ANO7: variants seen among roughly 807,000 people sequenced by gnomAD.
ANO7 encodes the protein anoctamin 7, also known as anoctamin-7.
A neutral mutation model predicts 115.8 loss-of-function variants in ANO7; 114 were observed. That is an observed-to-expected ratio of 0.98 (90% CI 0.85 to 1.15). The LOEUF is 1.15. ANO7 is among the 50% of genes most tolerant of loss of function. The probability of loss-of-function intolerance (pLI) is 0.00; values close to 1 mark genes in which losing one functional copy is unlikely to be tolerated. For missense variants in ANO7, 1,302 were observed against 1,201.2 expected (o/e 1.08, Z -1.24); for synonymous variants, 550 against 498.2 (o/e 1.10, Z -1.38).
In ANO7 at chr2:241,190,068, T is replaced by G; in HGVS notation, c.5T>G (p.Leu2Arg). ...CTTGCTGGGTGCAGGAGCAGGATGC[T>G]GCGGCGACGGGCCCAGGAAGAGGAC... M[L>R]RRRAQEEDST... The change falls in exon 2 of 25, where the codon CTG becomes CGG. Residue 2 changes from leucine (L) to arginine (R), a missense_variant. By Grantham distance (102) the Leu-to-Arg change is moderately radical. Coordinates refer to ENST00000674324, the MANE Select transcript of ANO7 (RefSeq NM_001370694.2). 1 of 1,573,568 alleles carries G rather than the reference T, an allele frequency of 6.4e-7. No individual in the cohort carries two copies. Among genetic ancestry groups the G allele is most frequent in the South Asian group, 1.2e-5 (1 of 85,544 alleles).
rs567757408 is a variant in ANO7, at chr2:241,213,782, G to T, written c.1729-1023G>T. 3.9e-5 allele frequency among the ~76,000 whole-genome samples: 6 copies of T among 152,330 alleles called. No individual in the cohort carries two copies. The South Asian group carries it at 1.2e-3, about 32-fold the overall frequency. The stretch of plus-strand genomic sequence containing the variant: ...TTCTCCTTTTGGAAGAGGAGGAGGA[G>T]GAGAGAAACTTCGCATGGGGTCTGG... On this transcript the variant is annotated intron_variant, in intron 17 of 24. Transcript: ENST00000674324.
In ANO7 at chr2:241,190,098, C is replaced by T; in HGVS notation, c.35C>T (p.Thr12Ile). The change falls in exon 2 of 25, where the codon ACC becomes ATC. Residue 12 changes from threonine (T) to isoleucine (I), a missense_variant. Physicochemically the swap from Thr to Ile is moderately conservative, Grantham distance 89 (BLOSUM62 -1). Transcript: ENST00000674324. ...CGACGGGCCCAGGAAGAGGACAGCA[C>T]CGTCCTGATCGATGTGAGCCCCCCT... ...LRRRAQEEDS[T>I]VLIDVSPPEA... The T allele has an allele frequency of 1.3e-6, 2 of 1,584,420 alleles. No individual in the cohort carries two copies. Among genetic ancestry groups the T allele is most frequent in the Non-Finnish European group, 1.7e-6 (2 of 1,165,670 alleles).
At chr2:241,226,177 C>T (rs1183035118), downstream of ANO7, among the ~76,000 whole-genome samples, 1 of 151,992 alleles carries the variant, frequency 6.6e-6, no homozygotes, top group Non-Finnish European at 1.5e-5. Flanking sequence ...CCTACCCTGC[C>T]TGTGACCCTT....
At chr2:241,230,255 G>A, downstream of ANO7, 2 of 1,590,122 alleles carry the variant, frequency 1.3e-6, no homozygotes, top group Non-Finnish European at 1.7e-6. This position sits in a 1 kb window ranked among gnomAD's most constrained non-coding sequence, Gnocchi z 5.0. Flanking sequence ...CGCTCTGTGG[G>A]AAGCGAATGT....
intron 3 of ANO7, 47 bp downstream of exon 3, chr2:241,191,298 G>T (rs2068197587): frequency 1.2e-6 from 2 of 1,607,812 alleles, no homozygotes; most frequent in Non-Finnish European, 1.7e-6. Context: ...GGTCCTGAGG[G>T]TGGGGACACC....
In ANO7 at chr2:241,224,593, A is replaced by C; in HGVS notation, c.*440A>C. The stretch of plus-strand genomic sequence containing the variant: ...GGCCGTTCTCCCTCGTGTCCTCTGG[A>C]CCCACCCGCCCCTTCCTGCCCTGTT... On this transcript the variant is annotated 3_prime_UTR_variant, in exon 25 of 25. Coordinates refer to ENST00000674324, the MANE Select transcript of ANO7 (RefSeq NM_001370694.2). 2 of 179,586 alleles carry C rather than the reference A, an allele frequency of 1.1e-5. No individual in the cohort carries two copies. Among genetic ancestry groups the C allele is most frequent in the South Asian group, 1.3e-4 (1 of 7,996 alleles). 11.1% of individuals were successfully genotyped at this position (179,586 alleles called of 1,614,324 possible). A position where few individuals can be genotyped will look rare whatever the true frequency, so the allele number is the denominator to read the frequency against.
chr2:241,214,099 AT>A (rs1160020968), intron 17 of ANO7, among the ~76,000 whole-genome samples: 1 of 152,142 alleles, frequency 6.6e-6, no homozygotes, highest in Non-Finnish European at 1.5e-5. Flanking sequence ...AGCCTGGCCA[AT>A]ATGGTGAAAT....
At chr2:241,198,312 C>G (rs1004288242) in intron 4 of ANO7, among the ~76,000 whole-genome samples, 4 of 152,216 alleles carry the variant, frequency 2.6e-5, no homozygotes, top group African/African-American at 9.7e-5. Flanking sequence ...ATGGAGCCCA[C>G]AGAGCTAACA....
At chr2:241,218,863 T>C (rs1272251819) in intron 21 of ANO7, among the ~76,000 whole-genome samples, 2 of 152,190 alleles carry the variant, frequency 1.3e-5, no homozygotes, top group African/African-American at 4.8e-5. Flanking sequence ...CAGCTAACGG[T>C]ACAAAAAGTT....
chr2:241,215,268 G>A (rs1297515719), intron 18 of ANO7, among the ~76,000 whole-genome samples: 1 of 152,216 alleles, frequency 6.6e-6, no homozygotes, highest in African/African-American at 2.4e-5. Flanking sequence ...CCCCAACGCA[G>A]CACAAGAGGG....
chr2:241,229,560 T>C (rs1198454140), downstream of ANO7: 1 of 1,466,600 alleles, frequency 6.8e-7, no homozygotes. Flanking sequence ...GTGGTTGGGT[T>C]TGGGTCAGCA....
the ANO7 span, among the ~76,000 whole-genome samples, chr2:241,237,013 C>A: frequency 4.1e-4 from 59 of 144,140 alleles, no homozygotes; most frequent in Middle Eastern, 3.8e-3. Context: ...AAGGCTTTGC[C>A]GGGAGGCCGT....
At chr2:241,198,858 A>G (rs759766548) in intron 4 of ANO7, among the ~76,000 whole-genome samples, 1 of 152,198 alleles carries the variant, frequency 6.6e-6, no homozygotes, top group African/African-American at 2.4e-5. Context: ...GCTCACCTAT[A>G]TGTACACACA....
intron 4 of ANO7, among the ~76,000 whole-genome samples, chr2:241,198,928 G>T (rs1329600175): frequency 6.6e-6 from 1 of 152,256 alleles, no homozygotes; most frequent in Admixed American, 6.5e-5. Flanking sequence ...CCGATCAAAG[G>T]TGAGGCGACG....
At chr2:241,200,959 C>T (rs1031005577) in intron 6 of ANO7, among the ~76,000 whole-genome samples, 1 of 152,260 alleles carries the variant, frequency 6.6e-6, no homozygotes, top group Non-Finnish European at 1.5e-5. Flanking sequence ...CCTGGCCAGC[C>T]TGGCCCTCTC....
chr2:241,189,594 GT>G (rs1417605079), intron 1 of ANO7, among the ~76,000 whole-genome samples: 1 of 152,164 alleles, frequency 6.6e-6, no homozygotes, highest in African/African-American at 2.4e-5. Context: ...GGGCCTATGG[GT>G]CCTGGCACTG....
chr2:241,216,215 T>C lies in ANO7; in HGVS notation c.1949T>C (p.Leu650Pro). 1 of 1,608,032 alleles carries C rather than the reference T, an allele frequency of 6.2e-7. No individual in the cohort carries two copies. The highest frequency in any genetic ancestry group is 8.5e-7 in the Non-Finnish European group (1 of 1,178,066). The change falls in exon 19 of 25, where the codon CTG (leucine) becomes CCG (proline). Residue 650 changes from leucine to proline, a missense_variant. By Grantham distance (98) the Leu-to-Pro change is moderately conservative. Coordinates refer to ENST00000674324, the MANE Select transcript of ANO7 (RefSeq NM_001370694.2). ...DDYELVPCEG[L>P]FDEYLEMVLQ... is the part of the protein sequence containing the mutation. ...TATGAGCTTGTGCCCTGTGAGGGTCTGTTTGACGAGTACCTGGAAATGGGT... is the reference window on the plus strand; with the variant it reads ...TATGAGCTTGTGCCCTGTGAGGGTCCGTTTGACGAGTACCTGGAAATGGGT...
chr2:241,199,143 T>C (rs945984347), intron 4 of ANO7, 173 bp from the exon 5 acceptor site: 2 of 625,402 alleles, frequency 3.2e-6, no homozygotes, highest in African/African-American at 1.8e-5. Context: ...CGGTTGGCTT[T>C]CAGAGGCGTA....
At position 241,217,366 on chromosome 2, in the gene ANO7, G is replaced by C. The variant is rs1333283131; in HGVS notation, c.1973-320G>C. 2.0e-5 allele frequency among the ~76,000 whole-genome samples: 3 copies of C among 152,242 alleles called. No individual in the cohort carries two copies. The East Asian group carries it at 5.8e-4, about 29-fold the overall frequency. On this transcript the variant is annotated intron_variant, in intron 19 of 24. Coordinates refer to ENST00000674324, the MANE Select transcript of ANO7 (RefSeq NM_001370694.2). ...TAACAGCTCCCCTGTGGGGTGACTG[G>C]AGAAGCTGGTTGTAAAATCAGGAGC...
Sources: allele counts gnomAD v4.1 joint callset (sites outside exome capture counted in the v4.1 genomes callset), GRCh38; gene constraint gnomAD v4.1.1; non-coding constraint Gnocchi (gnomAD v3.1); transcripts MANE v1.5; gene names NCBI Gene and HGNC (gene_info 2026-07-23, HGNC 2026-07-21).